The following MACF1 variants were observed in gnomAD, a reference collection of about 807,000 sequenced individuals.
MACF1 encodes the protein microtubule-actin cross-linking factor 1.
Under a neutral mutation model 854.8 loss-of-function variants are expected in MACF1, and 193 were observed. The ratio of observed to expected loss-of-function variants is 0.23; its 90% CI spans 0.20 to 0.25. The LOEUF (loss-of-function observed/expected upper bound fraction) is 0.25, where lower values mean the gene tolerates loss of function less well. Ranked by LOEUF, MACF1 falls within the 10% of genes least tolerant of loss-of-function variation. MACF1 has a pLI of 1.00. For missense variants in MACF1, 7,722 were observed against 8,929.1 expected, an observed-to-expected ratio of 0.86 and a Z score of 5.45; for synonymous variants, 3,185 against 3,226.7, an observed-to-expected ratio of 0.99 and a Z score of 0.44.
intron 2 of MACF1, among the ~76,000 whole-genome samples, chr1:39,161,525 C>G (rs939281187): frequency 6.6e-6 from 1 of 151,856 alleles, no homozygotes; most frequent in African/African-American, 2.4e-5. Context: ...GCAACAGTAG[C>G]AAAACCCTGT....
intron 2 of MACF1, among the ~76,000 whole-genome samples, chr1:39,188,957 C>T (rs2148244665): frequency 6.6e-6 from 1 of 152,244 alleles, no homozygotes; most frequent in South Asian, 2.1e-4. Flanking sequence ...AGGCTGGTCT[C>T]GAACTCTTGA....
intron 40 of MACF1, among the ~76,000 whole-genome samples, chr1:39,343,980 T>A (rs1391864041): frequency 6.6e-6 from 1 of 151,884 alleles, no homozygotes; most frequent in Non-Finnish European, 1.5e-5. Flanking sequence ...CCAGGCGTGG[T>A]GGCACATGCC....
In MACF1 at chr1:39,452,201, C is replaced by T. The variant is rs1644355180; in HGVS notation, c.20464C>T (p.Leu6822=). 1.2e-6 allele frequency: 2 copies of T among 1,614,046 alleles called. No homozygotes were observed. The highest frequency in any genetic ancestry group is 1.7e-6 in the Non-Finnish European group (2 of 1,179,930). The change falls in exon 86 of 101, where the codon CTG becomes TTG. Residue 6822 remains leucine, a synonymous_variant. Coordinates refer to ENST00000564288, the MANE Select transcript of MACF1 (RefSeq NM_001394062.1). The stretch of plus-strand genomic sequence containing the variant: ...AAAGCGAACAGGAACCGTTCAGGTC[C>T]TGAAGCGGTCAGGCCGAGAGCTGAT... ...LGKRTGTVQV[L]KRSGRELIEN...
rs547311315 is a variant in MACF1, at chr1:39,466,674, T to G, written c.21771+1562T>G. 8.5e-5 allele frequency among the ~76,000 whole-genome samples: 13 copies of G among 152,298 alleles called. No homozygotes were observed. In the East Asian group the frequency reaches 2.5e-3, roughly 29 times the overall value. On this transcript the variant is annotated intron_variant, in intron 95 of 100. Transcript: ENST00000564288. ...TCCCACAGGGCTTCTCATTTTCACT[T>G]GTGGGGCCCAGCTTCTGAGAGGGGG...
In MACF1 at chr1:39,444,745, C is replaced by T. The variant is rs764814274; in HGVS notation, c.19515C>T (p.Asp6505=). ...GCAGACTCATGCTTCTAAGCCGTGA[C>T]GACTCTGGGTCTGGCTCCAAGACAG... ...DKGRLMLLSR[D]DSGSGSKTEQ... The change falls in exon 80 of 101, where the codon GAC becomes GAT. Residue 6505 remains aspartate, a synonymous_variant. Transcript: ENST00000564288. 13 of 1,614,010 alleles carry T rather than the reference C, an allele frequency of 8.1e-6. No individual in the cohort carries two copies. The highest frequency in any genetic ancestry group is 1.3e-5 in the African/African-American group (1 of 74,920).
intron 97 of MACF1, among the ~76,000 whole-genome samples, chr1:39,476,862 C>T (rs1400234248): frequency 6.6e-6 from 1 of 151,088 alleles, no homozygotes. Flanking sequence ...GAGGCTGAGG[C>T]GGGTGGATCA....
intron 4 of MACF1, chr1:39,254,081 T>A: frequency 1.9e-6 from 1 of 520,050 alleles, no homozygotes; most frequent in Non-Finnish European, 3.4e-6. Context: ...GTTTGCGAGA[T>A]GCGTAGTGGT....
In MACF1 at chr1:39,105,768, G is replaced by T; in HGVS notation, c.220+21330G>T. On this transcript the variant is annotated intron_variant, in intron 2 of 93. Transcript: ENST00000361689. The surrounding 1 kb of genome is among the most constrained non-coding windows in gnomAD (Gnocchi z 5.9). ...GAGGCCCGCGGGCCGGCGCAGCGTG[G>T]CCTTCGGAGCCGGTCGGCTCGGCGG... 9.5e-7 allele frequency: 1 copy of T among 1,056,546 alleles called. No homozygotes were observed. Among genetic ancestry groups the T allele is most frequent in the Non-Finnish European group, 1.2e-6 (1 of 868,980 alleles). The allele number at this position is 1,056,546 out of a possible 1,614,324, so 65.4% of individuals were successfully genotyped here. A position where few individuals can be genotyped will look rare whatever the true frequency, so the allele number is the denominator to read the frequency against.
chr1:39,403,832 A>ATT (rs1165145071), intron 58 of MACF1, among the ~76,000 whole-genome samples: 319 of 123,602 alleles, frequency 2.6e-3, no homozygotes, highest in Non-Finnish European at 3.5e-3. Context: ...TCATTTAAAA[A>ATT]TTTTTGGGCG....
chr1:39,248,347 C>T (rs1450414966), intron 2 of MACF1, among the ~76,000 whole-genome samples: 1 of 151,976 alleles, frequency 6.6e-6, no homozygotes, highest in Non-Finnish European at 1.5e-5. Flanking sequence ...AGAAACCCCT[C>T]ATTACAAAAG....
At chr1:39,117,377 G>T (rs961653996) in intron 2 of MACF1, among the ~76,000 whole-genome samples, 1 of 151,892 alleles carries the variant, frequency 6.6e-6, no homozygotes, top group Non-Finnish European at 1.5e-5. Flanking sequence ...CTTGTTTTGC[G>T]CTCCTTGTTT....
Position 39,447,861 on chromosome 1 carries a change from G to T in MACF1, c.19931G>T (p.Gly6644Val), listed in dbSNP as rs771407743. The stretch of plus-strand genomic sequence containing the variant: ...GTTGTCCAGCGATCTATTGAAAGAG[G>T]GCGATCACTAGATGATGCCAGGAAG... ...EKVVQRSIERGRSLDDARKRA... is the reference protein window; with the variant it reads ...EKVVQRSIERVRSLDDARKRA... Residue 6644 changes from glycine to valine, a missense_variant, in exon 82 of 101, where the codon GGG becomes GTG. Physicochemically the swap from Gly to Val is moderately radical, Grantham distance 109. This residue lies in a region of MACF1 where 729 missense variants were observed against 900.5 expected (regional missense o/e 0.81). Transcript: ENST00000564288. 2.5e-6 allele frequency: 4 copies of T among 1,613,870 alleles called. No individual in the cohort carries two copies. Among genetic ancestry groups the T allele is most frequent in the Non-Finnish European group, 2.5e-6 (3 of 1,179,980 alleles).
intron 2 of MACF1, among the ~76,000 whole-genome samples, chr1:39,139,244 A>G (rs957454859): frequency 1.1e-4 from 17 of 149,266 alleles, no homozygotes; most frequent in African/African-American, 4.2e-4. Flanking sequence ...AATTGAACAG[A>G]TTTTTTTTCC....
Position 39,332,300 on chromosome 1 carries a change from A to G in MACF1, c.5712A>G (p.Ile1904Met), listed in dbSNP as rs371984862. The change falls in exon 37 of 101, where the codon ATA becomes ATG. Residue 1904 changes from isoleucine to methionine, a missense_variant. This residue lies in a region of MACF1 where 1,531 missense variants were observed against 1,601.6 expected (regional missense o/e 0.96). Coordinates refer to ENST00000564288, the MANE Select transcript of MACF1 (RefSeq NM_001394062.1). The part of the protein sequence containing the change: ...TTEILSWKKA[I>M]ESGILDRDLA... ...AGATTTTGTCCTGGAAGAAAGCAAT[A>G]GAAAGTGGTATCCTGGATAGAGATC... 5.8e-5 allele frequency: 94 copies of G among 1,613,850 alleles called. 1 individual carries two copies. The highest frequency in any genetic ancestry group is 7.5e-5 in the Non-Finnish European group (89 of 1,180,044).
intron 23 of MACF1, among the ~76,000 whole-genome samples, chr1:39,307,974 G>A (rs1437956688): frequency 2.9e-5 from 4 of 136,550 alleles, no homozygotes; most frequent in Non-Finnish European, 4.6e-5. Context: ...ACGCAATCTC[G>A]GCTCACCGCA....
At chr1:39,120,873 A>C (rs942800821) in intron 2 of MACF1, 1 of 152,212 alleles carries the variant, frequency 6.6e-6, no homozygotes, top group Non-Finnish European at 1.5e-5. Context: ...ATGTATAGTT[A>C]AGTTATTATT....
intron 4 of MACF1, among the ~76,000 whole-genome samples, chr1:39,253,705 G>A (rs1191296196): frequency 6.6e-6 from 1 of 151,908 alleles, no homozygotes; most frequent in East Asian, 1.9e-4. Context: ...ATGAAGGGAC[G>A]GGATTTCACC....
intron 6 of MACF1, among the ~76,000 whole-genome samples, chr1:39,268,037 ATATTT>A (rs1645254306): frequency 6.6e-6 from 1 of 152,112 alleles, no homozygotes; most frequent in Non-Finnish European, 1.5e-5. Flanking sequence ...TATCTGCTTG[ATATTT>A]TCTTTTGGGC....
chr1:39,465,440 A>G (rs1286803637), intron 95 of MACF1, among the ~76,000 whole-genome samples: 1 of 152,262 alleles, frequency 6.6e-6, no homozygotes, highest in Admixed American at 6.5e-5. Context: ...TATTTATATT[A>G]GAATCTTTTG....
Sources: allele counts gnomAD v4.1 joint callset (sites outside exome capture counted in the v4.1 genomes callset), GRCh38; gene constraint gnomAD v4.1.1; regional missense constraint gnomAD v4.1.1; non-coding constraint Gnocchi (gnomAD v3.1); transcripts MANE v1.5; gene names NCBI Gene and HGNC (gene_info 2026-07-23, HGNC 2026-07-21).